PPP1R21: variants seen among roughly 807,000 people sequenced by gnomAD.
The protein encoded by PPP1R21 is protein phosphatase 1 regulatory subunit 21.
Under a neutral mutation model 112.8 loss-of-function variants are expected in PPP1R21, and 85 were observed. The observed-to-expected ratio is 0.75, with a 90% CI of 0.63 to 0.90. PPP1R21 has a LOEUF of 0.90. Among genes scored for constraint, PPP1R21 ranks in the 40% least tolerant of loss-of-function variants. The pLI is 0.00. For missense variants in PPP1R21, 1,199 were observed against 901.5 expected (o/e 1.33, Z -4.23); for synonymous variants, 381 against 322.3 (o/e 1.18, Z -1.95).
intron 19 of PPP1R21, among the ~76,000 whole-genome samples, chr2:48,509,208 C>T (rs1259512017): frequency 2.0e-5 from 3 of 152,050 alleles, no homozygotes; most frequent in African/African-American, 7.2e-5. Flanking sequence ...CATTTTTTCC[C>T]TTGTAAGTAG....
chr2:48,463,318 A>C (rs182296542), intron 7 of PPP1R21, among the ~76,000 whole-genome samples: 1 of 152,228 alleles, frequency 6.6e-6, no homozygotes, highest in East Asian at 1.9e-4. Context: ...TTTCAACCTG[A>C]TGGTGCAGGT....
At chr2:48,474,305 C>T (rs1035414412) in intron 11 of PPP1R21, among the ~76,000 whole-genome samples, 31 of 152,120 alleles carry the variant, frequency 2.0e-4, no homozygotes, top group Non-Finnish European at 1.2e-4. Context: ...ATGGCTTGAA[C>T]CTGGGATGCG....
chr2:48,487,041 C>G (rs139737362), intron 14 of PPP1R21, among the ~76,000 whole-genome samples: 10 of 152,270 alleles, frequency 6.6e-5, no homozygotes, highest in Non-Finnish European at 1.5e-4. Flanking sequence ...TGCTGCTTTC[C>G]TACCTAATGT....
intron 13 of PPP1R21, among the ~76,000 whole-genome samples, chr2:48,483,194 C>CCTTTTTTTTT (rs1669108135): frequency 1.0e-5 from 1 of 99,452 alleles, no homozygotes; most frequent in African/African-American, 3.6e-5. Context: ...ACTTTTTTTT[C>CCTTTTTTTTT]CTTTTTTTTT....
intron 6 of PPP1R21, among the ~76,000 whole-genome samples, chr2:48,460,575 A>G (rs2103800204): frequency 6.6e-6 from 1 of 152,364 alleles, no homozygotes; most frequent in Middle Eastern, 3.4e-3. Context: ...AATACTAGTA[A>G]TGCATGGTAA....
At chr2:48,479,590 G>A in intron 12 of PPP1R21, 1 of 515,674 alleles carries the variant, frequency 1.9e-6, no homozygotes, top group South Asian at 1.5e-5. Flanking sequence ...AGCAAATAAT[G>A]TGTAGGGAAT....
chr2:48,453,397 T>C (rs959947682), intron 2 of PPP1R21, among the ~76,000 whole-genome samples: 1 of 152,218 alleles, frequency 6.6e-6, no homozygotes, highest in Non-Finnish European at 1.5e-5. Flanking sequence ...CTCACTATGT[T>C]GCTCAGGCTG....
intron 13 of PPP1R21, among the ~76,000 whole-genome samples, chr2:48,482,587 C>T (rs1669066867): frequency 6.6e-6 from 1 of 150,980 alleles, no homozygotes; most frequent in Non-Finnish European, 1.5e-5. Flanking sequence ...GGAGGTATTC[C>T]CAGATTCAGG....
intron 13 of PPP1R21, 97 bp downstream of exon 13, chr2:48,480,113 C>T: frequency 1.2e-6 from 1 of 842,726 alleles, no homozygotes; most frequent in Non-Finnish European, 2.0e-6. Context: ...GGGTAATAGA[C>T]CCCAGATAAA....
At chr2:48,478,112 A>G (rs1668840967) in intron 12 of PPP1R21, among the ~76,000 whole-genome samples, 1 of 152,226 alleles carries the variant, frequency 6.6e-6, no homozygotes, top group Admixed American at 6.5e-5. Flanking sequence ...TAGGGCCAAC[A>G]GAAGCTGGAA....
chr2:48,462,646 G>T (rs1160439655), intron 7 of PPP1R21, among the ~76,000 whole-genome samples: 1 of 152,194 alleles, frequency 6.6e-6, no homozygotes, highest in Non-Finnish European at 1.5e-5. Flanking sequence ...GCAAGGACAT[G>T]TAAGTTCTGA....
rs1220334685 is a variant in PPP1R21 at position 48,460,104 on chromosome 2, CAGACTCTA to C, written c.551_558del (p.Gln184ArgfsTer23). On this transcript the variant is annotated frameshift_variant, in exon 6 of 22. Coordinates refer to ENST00000294952, the MANE Select transcript of PPP1R21 (RefSeq NM_001135629.3). LOFTEE classifies it high-confidence loss of function. ...TTCTTCTGAAATTCAGGTGAAATCT[CAGACTCTA>C]GAAAAGGAAGCCAAGGAATGTCGAC... 1 of 1,613,966 alleles carries C rather than the reference CAGACTCTA, an allele frequency of 6.2e-7. No homozygotes were observed.
intron 2 of PPP1R21, among the ~76,000 whole-genome samples, chr2:48,454,288 A>C (rs1021525726): frequency 4.6e-5 from 7 of 152,036 alleles, no homozygotes; most frequent in South Asian, 2.1e-4. Flanking sequence ...ATAAATAAAT[A>C]AATCAAATAA....
intron 1 of PPP1R21, among the ~76,000 whole-genome samples, chr2:48,443,961 T>G (rs937382821): frequency 2.0e-5 from 3 of 152,134 alleles, no homozygotes; most frequent in African/African-American, 7.2e-5. Context: ...GGCAGAGTCT[T>G]CTCATTCTTC....
intron 15 of PPP1R21, among the ~76,000 whole-genome samples, chr2:48,491,889 T>G (rs1278595487): frequency 6.6e-6 from 1 of 152,084 alleles, no homozygotes; most frequent in Non-Finnish European, 1.5e-5. Context: ...TATAAATTAC[T>G]ATGTTTTTAT....
chr2:48,472,607 C>T (rs180768954), intron 11 of PPP1R21, among the ~76,000 whole-genome samples: 44 of 149,096 alleles, frequency 3.0e-4, no homozygotes, highest in African/African-American at 9.9e-4. Flanking sequence ...GCCTGGGCAA[C>T]AGAGTGAGAC....
intron 17 of PPP1R21, among the ~76,000 whole-genome samples, chr2:48,504,485 C>G (rs1488150940): frequency 6.6e-6 from 1 of 151,890 alleles, no homozygotes; most frequent in Non-Finnish European, 1.5e-5. Context: ...ACTAAAGATA[C>G]AAAAAATTAG....
rs1384000375 is a variant in PPP1R21 at position 48,440,861 on chromosome 2, G to T, written c.-93G>T. On this transcript the variant is annotated 5_prime_UTR_variant, in exon 1 of 22. Coordinates refer to ENST00000294952, the MANE Select transcript of PPP1R21 (RefSeq NM_001135629.3). ...TGCGGTGGCCAAGCAGGCAGATACT[G>T]CCTGACCCGTTCCCGGGAGCGTGTC... The T allele has an allele frequency of 1.1e-5, 10 of 917,468 alleles. No homozygotes were observed. Among genetic ancestry groups the T allele is most frequent in the East Asian group, 2.8e-5 (1 of 35,272 alleles). The allele number at this position is 917,468 out of a possible 1,614,324, so 56.8% of individuals were successfully genotyped here. A position where few individuals can be genotyped will look rare whatever the true frequency, so the allele number is the denominator to read the frequency against.
intron 14 of PPP1R21, among the ~76,000 whole-genome samples, chr2:48,490,191 C>G (rs1319741356): frequency 7.4e-6 from 1 of 135,850 alleles, no homozygotes; most frequent in East Asian, 2.1e-4. Context: ...TCCACTCCAG[C>G]CTGGGCAACA....
Sources: allele counts gnomAD v4.1 joint callset (sites outside exome capture counted in the v4.1 genomes callset), GRCh38; gene constraint gnomAD v4.1.1; transcripts MANE v1.5; gene names NCBI Gene and HGNC (gene_info 2026-07-23, HGNC 2026-07-21).